ARB2A: variants seen among roughly 807,000 people sequenced by gnomAD.
The protein encoded by ARB2A is ARB2 cotranscriptional regulator A.
chr5:94,008,095 T>C, the ARB2A span, among the ~76,000 whole-genome samples: 411 of 152,316 alleles, frequency 2.7e-3, 1 homozygote, highest in African/African-American at 9.4e-3. Flanking sequence ...CCAGTACTTA[T>C]GTTCACTGTA....
At chr5:93,796,758 C>T in the ARB2A span, among the ~76,000 whole-genome samples, 12 of 152,178 alleles carry the variant, frequency 7.9e-5, no homozygotes, top group South Asian at 1.5e-3. Context: ...TTTTAAAATC[C>T]GACTTGGATT....
the ARB2A span, among the ~76,000 whole-genome samples, chr5:94,089,613 A>ACG: frequency 6.6e-6 from 1 of 151,014 alleles, no homozygotes; most frequent in Admixed American, 6.6e-5. Context: ...ACACACACAC[A>ACG]CACACACACA....
At chr5:94,055,279 A>C in the ARB2A span, among the ~76,000 whole-genome samples, 2 of 152,226 alleles carry the variant, frequency 1.3e-5, no homozygotes, top group African/African-American at 4.8e-5. Context: ...CACTCTTAGA[A>C]TATGTTGTGA....
At chr5:93,949,933 T>C in the ARB2A span, among the ~76,000 whole-genome samples, 5 of 152,308 alleles carry the variant, frequency 3.3e-5, no homozygotes, top group South Asian at 1.0e-3. Context: ...TAAATTTGAA[T>C]TTGTTCTCAA....
At chr5:94,093,166 A>T in the ARB2A span, among the ~76,000 whole-genome samples, 1 of 152,150 alleles carries the variant, frequency 6.6e-6, no homozygotes, top group Non-Finnish European at 1.5e-5. Context: ...TCAAGTTTTT[A>T]AAAAATTTCA....
the ARB2A span, among the ~76,000 whole-genome samples, chr5:94,064,057 C>T: frequency 1.3e-5 from 2 of 151,756 alleles, no homozygotes; most frequent in Admixed American, 6.6e-5. Context: ...TAAAGAAGCT[C>T]AGTAAGATAC....
chr5:94,069,051 T>TAGATAGAC, the ARB2A span, among the ~76,000 whole-genome samples: 46 of 148,996 alleles, frequency 3.1e-4, no homozygotes, highest in African/African-American at 1.1e-3. Context: ...GATAGATAGA[T>TAGATAGAC]AGATAGATAG....
At chr5:93,716,760 T>C in the ARB2A span, among the ~76,000 whole-genome samples, 1 of 151,566 alleles carries the variant, frequency 6.6e-6, no homozygotes, top group South Asian at 2.1e-4. Context: ...AACATGATGT[T>C]CTCCTATATT....
chr5:93,986,676 ACT>A, the ARB2A span, among the ~76,000 whole-genome samples: 1 of 151,412 alleles, frequency 6.6e-6, no homozygotes, highest in Admixed American at 6.6e-5. Context: ...ACTAAGAAAA[ACT>A]CTTCTGCCTT....
the ARB2A span, among the ~76,000 whole-genome samples, chr5:93,986,596 G>A: frequency 6.6e-6 from 1 of 152,222 alleles, no homozygotes; most frequent in African/African-American, 2.4e-5. Context: ...AGTGTGGGGA[G>A]AGGAGAGATC....
chr5:93,635,408 T>C, the ARB2A span, among the ~76,000 whole-genome samples: 2 of 152,000 alleles, frequency 1.3e-5, no homozygotes, highest in Non-Finnish European at 2.9e-5. Context: ...CCTTAGCTCA[T>C]ACCAACTACT....
At chr5:94,031,974 G>A in the ARB2A span, among the ~76,000 whole-genome samples, 4 of 152,214 alleles carry the variant, frequency 2.6e-5, no homozygotes, top group Non-Finnish European at 5.9e-5. Flanking sequence ...CTCTGCAGAT[G>A]TGCAGAGGTG....
At chr5:93,621,116 G>A in the ARB2A span, 2 of 1,611,632 alleles carry the variant, frequency 1.2e-6, no homozygotes, top group South Asian at 2.2e-5. Flanking sequence ...AAGTTAGCTC[G>A]TGACGGTCGG....
chr5:93,675,853 AGAGCTT>A, the ARB2A span, among the ~76,000 whole-genome samples: 1 of 152,226 alleles, frequency 6.6e-6, no homozygotes, highest in Admixed American at 6.5e-5. Context: ...AGCATGCTTC[AGAGCTT>A]TCCAGTTTAA....
At chr5:93,972,166 C>T in the ARB2A span, among the ~76,000 whole-genome samples, 1 of 152,070 alleles carries the variant, frequency 6.6e-6, no homozygotes, top group Non-Finnish European at 1.5e-5. Context: ...GGGGAGGGTG[C>T]TTTTCATGCT....
At chr5:94,040,843 T>G in the ARB2A span, among the ~76,000 whole-genome samples, 1 of 152,174 alleles carries the variant, frequency 6.6e-6, no homozygotes, top group Non-Finnish European at 1.5e-5. Flanking sequence ...GGGGGCAAGT[T>G]TGAACCTTGC....
the ARB2A span, among the ~76,000 whole-genome samples, chr5:93,982,551 G>T: frequency 6.6e-6 from 1 of 152,070 alleles, no homozygotes; most frequent in African/African-American, 2.4e-5. Flanking sequence ...TTAGTGAAGG[G>T]GATATATTCT....
chr5:93,774,861 A>G, the ARB2A span, among the ~76,000 whole-genome samples: 1 of 152,234 alleles, frequency 6.6e-6, no homozygotes, highest in Non-Finnish European at 1.5e-5. Flanking sequence ...TGATTGGCTG[A>G]CAAAAATGTG....
At chr5:93,898,069 C>A in the ARB2A span, among the ~76,000 whole-genome samples, 1 of 151,898 alleles carries the variant, frequency 6.6e-6, no homozygotes, top group Non-Finnish European at 1.5e-5. Flanking sequence ...GAATCTATGT[C>A]CTCCAAAGAT....
Sources: allele counts gnomAD v4.1 joint callset (sites outside exome capture counted in the v4.1 genomes callset), GRCh38; gene constraint gnomAD v4.1.1; transcripts MANE v1.5; gene names NCBI Gene and HGNC (gene_info 2026-07-23, HGNC 2026-07-21).